TNFSF4: variants seen among roughly 807,000 people sequenced by gnomAD.
The protein encoded by TNFSF4 is TNF superfamily member 4.
TNFSF4 carries 4 observed loss-of-function variants against 7.3 expected under a neutral mutation model. That is an observed-to-expected ratio of 0.55 (90% CI 0.27 to 1.25). The LOEUF is 1.25. Among genes scored for constraint, TNFSF4 ranks in the 50% most tolerant of loss-of-function variants. The probability of loss-of-function intolerance (pLI) is 0.12; values close to 1 mark genes in which losing one functional copy is unlikely to be tolerated. For synonymous variants in TNFSF4, 76 were observed against 83.7 expected (o/e 0.91, Z 0.50); for missense variants, 181 against 208.8 (o/e 0.87, Z 0.82).
the TNFSF4 span, among the ~76,000 whole-genome samples, chr1:173,342,891 A>G: frequency 2.0e-5 from 3 of 152,218 alleles, no homozygotes; most frequent in African/African-American, 7.2e-5. Flanking sequence ...ATTATCTAGA[A>G]GGGAGAAGGA....
the TNFSF4 span, among the ~76,000 whole-genome samples, chr1:173,297,901 A>G: frequency 6.6e-6 from 1 of 151,938 alleles, no homozygotes; most frequent in Non-Finnish European, 1.5e-5. Flanking sequence ...AGTTGACCAC[A>G]TGACATTTAT....
the TNFSF4 span, among the ~76,000 whole-genome samples, chr1:173,340,365 C>T: frequency 5.1e-5 from 7 of 137,684 alleles, no homozygotes; most frequent in African/African-American, 1.8e-4. Flanking sequence ...CACACACACA[C>T]ACATACCCTA....
the TNFSF4 span, among the ~76,000 whole-genome samples, chr1:173,385,206 C>T: frequency 1.3e-5 from 2 of 152,148 alleles, no homozygotes; most frequent in African/African-American, 4.8e-5. Flanking sequence ...CCTAATTATA[C>T]CAATTATTAT....
At chr1:173,282,643 G>C in the TNFSF4 span, among the ~76,000 whole-genome samples, 1 of 152,034 alleles carries the variant, frequency 6.6e-6, no homozygotes, top group East Asian at 1.9e-4. Context: ...ATTTTTAATA[G>C]AGATGGGGTT....
chr1:173,387,365 C>T, the TNFSF4 span, among the ~76,000 whole-genome samples: 1 of 152,158 alleles, frequency 6.6e-6, no homozygotes, highest in African/African-American at 2.4e-5. Flanking sequence ...GCCTTTCCCC[C>T]ACATGAGGAC....
chr1:173,419,870 G>C, the TNFSF4 span, among the ~76,000 whole-genome samples: 2 of 151,878 alleles, frequency 1.3e-5, no homozygotes, highest in Non-Finnish European at 2.9e-5. Context: ...CTTTACCCTG[G>C]ACTCCCTCCC....
chr1:173,283,291 TC>T, the TNFSF4 span, among the ~76,000 whole-genome samples: 13 of 149,638 alleles, frequency 8.7e-5, no homozygotes, highest in Admixed American at 2.7e-4. Context: ...CCCCATCCTT[TC>T]CCCCCCCAAA....
chr1:173,258,890 A>G, the TNFSF4 span, among the ~76,000 whole-genome samples: 18 of 151,922 alleles, frequency 1.2e-4, no homozygotes, highest in Admixed American at 5.9e-4. Context: ...AGGAGCAGCC[A>G]TGGTCTCTGT....
chr1:173,318,158 C>T, the TNFSF4 span, among the ~76,000 whole-genome samples: 112 of 152,218 alleles, frequency 7.4e-4, no homozygotes, highest in African/African-American at 2.6e-3. Flanking sequence ...AAGAATCAGC[C>T]GGGCATGGTG....
the TNFSF4 span, chr1:173,363,124 CATTTTTCTT>C: frequency 2.9e-6 from 1 of 340,544 alleles, no homozygotes; most frequent in Non-Finnish European, 5.9e-6. Flanking sequence ...CCAACTCTTA[CATTTTTCTT>C]TCTGCAAGGG....
At chr1:173,415,451 G>T in the TNFSF4 span, among the ~76,000 whole-genome samples, 1 of 152,338 alleles carries the variant, frequency 6.6e-6, no homozygotes, top group East Asian at 1.9e-4. Context: ...ATAAAGGGAA[G>T]AAAACAGAGG....
the TNFSF4 span, among the ~76,000 whole-genome samples, chr1:173,326,714 A>G: frequency 1.3e-5 from 2 of 152,182 alleles, no homozygotes; most frequent in Non-Finnish European, 2.9e-5. Context: ...GCATTCTTAT[A>G]CACCAATAAC....
the TNFSF4 span, among the ~76,000 whole-genome samples, chr1:173,378,225 C>T: frequency 1.3e-5 from 2 of 151,368 alleles, no homozygotes; most frequent in East Asian, 1.9e-4. Flanking sequence ...GCGGGTTCTT[C>T]GGCAAGAGGT....
At chr1:173,449,106 G>GT in the TNFSF4 span, among the ~76,000 whole-genome samples, 1 of 152,070 alleles carries the variant, frequency 6.6e-6, no homozygotes, top group African/African-American at 2.4e-5. Context: ...ACAATAGTGA[G>GT]TGAGTTCTTG....
the TNFSF4 span, among the ~76,000 whole-genome samples, chr1:173,239,219 C>G: frequency 6.6e-6 from 1 of 152,156 alleles, no homozygotes; most frequent in East Asian, 1.9e-4. Context: ...AGAGCAGGAA[C>G]AAAAATCTGC....
At chr1:173,215,746 T>C in the TNFSF4 span, among the ~76,000 whole-genome samples, 2 of 152,228 alleles carry the variant, frequency 1.3e-5, no homozygotes, top group Admixed American at 6.5e-5. Context: ...AATCATAGCA[T>C]GAGACACTGA....
the TNFSF4 span, among the ~76,000 whole-genome samples, chr1:173,437,253 TA>T: frequency 3.3e-5 from 5 of 152,240 alleles, no homozygotes; most frequent in Non-Finnish European, 1.5e-5. Flanking sequence ...GTAAGCATAA[TA>T]AAACTGCTTT....
At chr1:173,272,859 A>T in the TNFSF4 span, among the ~76,000 whole-genome samples, 1 of 152,124 alleles carries the variant, frequency 6.6e-6, no homozygotes, top group Admixed American at 6.5e-5. Context: ...ACAGTGCTTC[A>T]AAGAAATGTC....
chr1:173,289,689 C>T, the TNFSF4 span, among the ~76,000 whole-genome samples: 96 of 151,810 alleles, frequency 6.3e-4, no homozygotes, highest in Middle Eastern at 6.8e-3. Flanking sequence ...GTAAAATAGA[C>T]GATTAAAAGA....
Sources: gnomAD v4.1 joint callset for allele counts (sites outside exome capture counted in the v4.1 genomes callset) on GRCh38, gnomAD v4.1.1 for gene constraint, MANE v1.5 for transcripts, NCBI Gene and HGNC (gene_info 2026-07-23, HGNC 2026-07-21) for gene names.